Variants in ZBTB5 observed in about 807,000 individuals in gnomAD.
ZBTB5 encodes the protein zinc finger and BTB domain-containing protein 5.
In ZBTB5, 15 loss-of-function variants were observed where a neutral mutation model predicts 37.9. The ratio of observed to expected loss-of-function variants is 0.40; its 90% CI spans 0.26 to 0.61. The LOEUF (loss-of-function observed/expected upper bound fraction) is 0.61, where lower values mean the gene tolerates loss of function less well. ZBTB5 is among the 20% of genes least tolerant of loss of function. The pLI, the probability that ZBTB5 is intolerant of heterozygous loss-of-function variation, is 0.47. For synonymous variants in ZBTB5, 315 were observed against 312.4 expected (o/e 1.01, Z -0.09); for missense variants, 708 against 856.8 (o/e 0.83, Z 2.17).
intron 1 of ZBTB5, 98 bp from the exon 2 acceptor site, chr9:37,442,653 T>C (rs1406287950): frequency 2.0e-6 from 2 of 979,422 alleles, no homozygotes; most frequent in African/African-American, 3.3e-5. Flanking sequence ...ATGGCCAAGC[T>C]TGGACCTTTG....
Position 37,439,496 on chromosome 9 carries a change from T to C in ZBTB5, c.*1022A>G, listed in dbSNP as rs1396848431. On this transcript the variant is annotated 3_prime_UTR_variant, in exon 2 of 2. Transcript: ENST00000307750. ...CAGTAATAAAACCTGTGTGGGGCAT[T>C]TTTGGTTAATCTGTCGTCGAAAACG... 1 of 152,228 alleles carries C rather than the reference T, an allele frequency of 6.6e-6. No individual in the cohort carries two copies. The highest frequency in any genetic ancestry group is 6.5e-5 in the Admixed American group (1 of 15,276). The allele number at this position is 152,228 out of a possible 1,614,324, so 9.4% of individuals were successfully genotyped here.
At chr9:37,457,247 GTTTTT>G (rs1387392811) in intron 1 of ZBTB5, among the ~76,000 whole-genome samples, 3 of 152,102 alleles carry the variant, frequency 2.0e-5, no homozygotes, top group South Asian at 2.1e-4. Flanking sequence ...GTTTTGTTTT[GTTTTT>G]GAGACAGAGT....
At chr9:37,464,964 A>G (rs1231084420) in intron 1 of ZBTB5, among the ~76,000 whole-genome samples, 1 of 152,190 alleles carries the variant, frequency 6.6e-6, no homozygotes, top group African/African-American at 2.4e-5. Flanking sequence ...GGGGATCCAC[A>G]GGAGTACCAG....
chr9:37,453,231 C>A (rs1430604861), intron 1 of ZBTB5, among the ~76,000 whole-genome samples: 1 of 152,178 alleles, frequency 6.6e-6, no homozygotes, highest in Non-Finnish European at 1.5e-5. Flanking sequence ...GCTCTGTCAT[C>A]CAGGCTGGAG....
At chr9:37,449,369 T>C (rs1408896814) in intron 1 of ZBTB5, among the ~76,000 whole-genome samples, 1 of 152,198 alleles carries the variant, frequency 6.6e-6, no homozygotes, top group Non-Finnish European at 1.5e-5. Flanking sequence ...TTGCACGGCC[T>C]ACTCCATGCA....
chr9:37,465,350 G>GC lies in ZBTB5; in HGVS notation c.-141dup, dbSNP rs1824374414. 1.6e-4 allele frequency: 6 copies of GC among 36,992 alleles called. No individual in the cohort carries two copies. The highest frequency in any genetic ancestry group is 8.1e-4 in the East Asian group (1 of 1,230). The allele number at this position is 36,992 out of a possible 1,614,324, so 2.3% of individuals were successfully genotyped here. ...ACGGGACTTCCTCCCCCTTCCACCC[G>GC]CCCCCCTCCCACCCCGCCTCTAGTC... On this transcript the variant is annotated 5_prime_UTR_variant, in exon 1 of 2. Coordinates refer to ENST00000307750, the MANE Select transcript of ZBTB5 (RefSeq NM_014872.3).
rs913192392 is a variant in ZBTB5, at chr9:37,439,780, C to T, written c.*738G>A. The T allele has an allele frequency of 4.2e-5, 4 of 95,102 alleles. No homozygotes were observed. Among genetic ancestry groups the T allele is most frequent in the African/African-American group, 1.2e-4 (4 of 34,722 alleles). 5.9% of individuals were successfully genotyped at this position (95,102 alleles called of 1,614,324 possible). ...GTTGGTTAAAATACTGCTCAAACAG[C>T]ACATAGGGAAACAATACCTTGTCAC... On this transcript the variant is annotated 3_prime_UTR_variant, in exon 2 of 2. Transcript: ENST00000307750.
intron 1 of ZBTB5, among the ~76,000 whole-genome samples, chr9:37,446,832 T>G (rs2118939512): frequency 6.6e-6 from 1 of 152,368 alleles, no homozygotes; most frequent in East Asian, 1.9e-4. Context: ...AAGTGCCAAG[T>G]TCCAGAGGGG....
At chr9:37,453,557 A>T (rs1426263769) in intron 1 of ZBTB5, among the ~76,000 whole-genome samples, 1 of 152,182 alleles carries the variant, frequency 6.6e-6, no homozygotes, top group African/African-American at 2.4e-5. Context: ...ACATTCAAAT[A>T]CTATCTCCAC....
In ZBTB5 at chr9:37,440,334, G is replaced by A; in HGVS notation, c.*184C>T. 1.7e-6 allele frequency: 1 copy of A among 593,648 alleles called. No homozygotes were observed. The highest frequency in any genetic ancestry group is 3.2e-5 in the Admixed American group (1 of 31,600). 36.8% of individuals were successfully genotyped at this position (593,648 alleles called of 1,614,324 possible). On this transcript the variant is annotated 3_prime_UTR_variant, in exon 2 of 2. Coordinates refer to ENST00000307750, the MANE Select transcript of ZBTB5 (RefSeq NM_014872.3). ...TTCAGGGATTGCATCCCTTTCCCAA[G>A]ACGTGCACTTCACTCAGAAATGCAG...
At position 37,440,415 on chromosome 9, in the gene ZBTB5, G is replaced by T; in HGVS notation, c.*103C>A. ...TTATTAGTTGCTAAACTGTTTAAGA[G>T]CCACTGGGCAGCTGGAAGCCTCGAA... On this transcript the variant is annotated 3_prime_UTR_variant, in exon 2 of 2. Coordinates refer to ENST00000307750, the MANE Select transcript of ZBTB5 (RefSeq NM_014872.3). 1 of 906,568 alleles carries T rather than the reference G, an allele frequency of 1.1e-6. No homozygotes were observed. Among genetic ancestry groups the T allele is most frequent in the Non-Finnish European group, 1.7e-6 (1 of 602,378 alleles). The allele number at this position is 906,568 out of a possible 1,614,324, so 56.2% of individuals were successfully genotyped here. A position where few individuals can be genotyped will look rare whatever the true frequency, so the allele number is the denominator to read the frequency against.
At chr9:37,450,717 T>C (rs1468877412) in intron 1 of ZBTB5, among the ~76,000 whole-genome samples, 1 of 151,512 alleles carries the variant, frequency 6.6e-6, no homozygotes, top group Admixed American at 6.6e-5. Context: ...ATACAAAAAT[T>C]AGCCAGGCTT....
At chr9:37,446,250 G>C (rs1564311172) in intron 1 of ZBTB5, among the ~76,000 whole-genome samples, 1 of 152,190 alleles carries the variant, frequency 6.6e-6, no homozygotes, top group Non-Finnish European at 1.5e-5. Context: ...CATTTCATAA[G>C]AAGGCAGCAT....
At position 37,460,505 on chromosome 9, in the gene ZBTB5, G is replaced by A. The variant is rs539794371; in HGVS notation, c.-5+4710C>T. Among the ~76,000 whole-genome samples, 6 of 152,328 alleles carry A rather than the reference G, an allele frequency of 3.9e-5. No homozygotes were observed. The South Asian group carries it at 6.2e-4, about 16-fold the overall frequency. On this transcript the variant is annotated intron_variant, in intron 1 of 1. Transcript: ENST00000307750. The stretch of plus-strand genomic sequence containing the variant: ...TCCCAGTACTTTGGGAGGCTGAAGC[G>A]GGAGGCTCATTTGAGACCTGCTTGG...
At chr9:37,450,350 A>T (rs576666816) in intron 1 of ZBTB5, among the ~76,000 whole-genome samples, 17 of 152,316 alleles carry the variant, frequency 1.1e-4, no homozygotes, top group African/African-American at 3.8e-4. Context: ...CATTATAAAA[A>T]GTTCTGACCT....
At chr9:37,446,138 T>C (rs1790774038) in intron 1 of ZBTB5, among the ~76,000 whole-genome samples, 1 of 152,196 alleles carries the variant, frequency 6.6e-6, no homozygotes, top group Non-Finnish European at 1.5e-5. Flanking sequence ...TGTATACACA[T>C]ATATTTATAA....
chr9:37,442,202 T>C lies in ZBTB5; in HGVS notation c.350A>G (p.His117Arg), dbSNP rs866143409. 6 of 1,614,256 alleles carry C rather than the reference T, an allele frequency of 3.7e-6. No homozygotes were observed. The highest frequency in any genetic ancestry group is 1.7e-5 in the Admixed American group (1 of 60,030). The change falls in exon 2 of 2, where the codon CAT becomes CGT. Residue 117 changes from histidine to arginine, a missense_variant. His to Arg is a conservative substitution (Grantham distance 29). Transcript: ENST00000307750. ...HLNSVVKACK[H>R]YLTTRTLPMS... ...GGGCAGCGTCCTTGTCGTTAAGTAA[T>C]GTTTACATGCCTTAACAACAGAGTT...
intron 1 of ZBTB5, among the ~76,000 whole-genome samples, chr9:37,462,585 G>A (rs1405664416): frequency 6.9e-6 from 1 of 145,712 alleles, no homozygotes; most frequent in Non-Finnish European, 1.5e-5. Context: ...TTTTGAGACA[G>A]GGTCTCACTC....
chr9:37,448,098 T>C (rs970265369), intron 1 of ZBTB5, among the ~76,000 whole-genome samples: 1 of 152,158 alleles, frequency 6.6e-6, no homozygotes, highest in Non-Finnish European at 1.5e-5. Flanking sequence ...CTGAGGTAGC[T>C]AAACACAACC....
Sources: gnomAD v4.1 joint callset for allele counts (sites outside exome capture counted in the v4.1 genomes callset) on GRCh38, gnomAD v4.1.1 for gene constraint, MANE v1.5 for transcripts, NCBI Gene and HGNC (gene_info 2026-07-23, HGNC 2026-07-21) for gene names.